VCL: variants seen among roughly 807,000 people sequenced by gnomAD.
VCL encodes epididymis luminal protein 114.
Under a neutral mutation model 125.7 loss-of-function variants are expected in VCL, and 47 were observed. The observed-to-expected ratio is 0.37, with a 90% CI of 0.30 to 0.48. The LOEUF is 0.48. Ranked by LOEUF, VCL falls within the 20% of genes least tolerant of loss-of-function variation. The pLI is 0.99. For synonymous variants in VCL, 458 were observed against 514.6 expected, an observed-to-expected ratio of 0.89 and a Z score of 1.49; for missense variants, 1,069 against 1,455.5, an observed-to-expected ratio of 0.73 and a Z score of 4.32.
intron 16 of VCL, 124 bp downstream of exon 16, chr10:74,105,477 G>A (rs1840117677): frequency 8.6e-7 from 1 of 1,161,656 alleles, no homozygotes; most frequent in Non-Finnish European, 1.3e-6. Context: ...TAGACACTTA[G>A]TTTGAGAATG....
At chr10:74,091,002 T>C (rs1228626841) in intron 10 of VCL, among the ~76,000 whole-genome samples, 1 of 152,060 alleles carries the variant, frequency 6.6e-6, no homozygotes, top group African/African-American at 2.4e-5. Flanking sequence ...GGTGTTGCTA[T>C]GTTGTCAGGG....
intron 1 of VCL, chr10:74,005,156 T>C (rs1840298429): frequency 6.6e-6 from 1 of 152,222 alleles, no homozygotes; most frequent in Admixed American, 6.5e-5. Context: ...TGTAGATTAC[T>C]TGGGGAATCA....
At chr10:74,115,412 A>ATAAATAAG (rs899377704) in intron 21 of VCL, among the ~76,000 whole-genome samples, 25 of 139,796 alleles carry the variant, frequency 1.8e-4, no homozygotes, top group Non-Finnish European at 2.7e-4. Context: ...AAATAAATAA[A>ATAAATAAG]TAAATAAGTA....
intron 1 of VCL, among the ~76,000 whole-genome samples, chr10:74,030,966 C>T (rs1029149382): frequency 2.0e-5 from 3 of 152,172 alleles, no homozygotes; most frequent in African/African-American, 7.2e-5. Flanking sequence ...CCAAATTCTA[C>T]ACAAAATCCA....
chr10:74,018,709 T>G (rs1257448788), intron 1 of VCL, among the ~76,000 whole-genome samples: 1 of 152,172 alleles, frequency 6.6e-6, no homozygotes, highest in African/African-American at 2.4e-5. Flanking sequence ...TAACTTCAGT[T>G]TTTGAATAGG....
At chr10:74,085,998 C>G (rs962091828) in intron 8 of VCL, among the ~76,000 whole-genome samples, 2 of 151,964 alleles carry the variant, frequency 1.3e-5, no homozygotes, top group Non-Finnish European at 2.9e-5. Context: ...CTCTTGAGTA[C>G]CTGGGATTAC....
intron 6 of VCL, chr10:74,077,636 C>T (rs1000952663): frequency 2.1e-5 from 9 of 438,268 alleles, no homozygotes; most frequent in East Asian, 7.2e-5. Context: ...CACCTCTTCT[C>T]GCCCCTACCA....
In VCL at chr10:74,017,525, A is replaced by AGCT. The variant is rs1840571981; in HGVS notation, c.168+19163_168+19165dup. Among the ~76,000 whole-genome samples the AGCT allele has an allele frequency of 9.4e-5, 14 of 149,484 alleles. No individual in the cohort carries two copies. In the South Asian group the frequency reaches 2.9e-3, roughly 31 times the overall value. On this transcript the variant is annotated intron_variant, in intron 1 of 21. Transcript: ENST00000211998. ...CTGAACTCTGTCTCTGAAGGGTGTAAGCTGCTGCTGCTGCTTTTTCTTTCT... is the reference window on the plus strand; with the variant it reads ...CTGAACTCTGTCTCTGAAGGGTGTAAGCTGCTGCTGCTGCTGCTTTTTCTTTCT...
At chr10:74,064,796 G>A (rs1042863271) in intron 2 of VCL, among the ~76,000 whole-genome samples, 2 of 151,992 alleles carry the variant, frequency 1.3e-5, no homozygotes, top group South Asian at 4.1e-4. Context: ...ATAACACATA[G>A]AAAATTTATA....
chr10:74,119,116 A>C lies in VCL; in HGVS notation c.*947A>C, dbSNP rs1204567821. ...TCTTAGCTCTTAATTGTTCATTTTG[A>C]GCTGAAATGCTGCATTTTAATTTTA... On this transcript the variant is annotated 3_prime_UTR_variant, in exon 22 of 22. Transcript: ENST00000211998. 6.6e-6 allele frequency: 1 copy of C among 152,216 alleles called. No individual in the cohort carries two copies. Among genetic ancestry groups the C allele is most frequent in the Non-Finnish European group, 1.5e-5 (1 of 67,982 alleles). 9.4% of individuals were successfully genotyped at this position (152,216 alleles called of 1,614,324 possible).
intron 2 of VCL, among the ~76,000 whole-genome samples, chr10:74,048,121 C>CTGTATTGT (rs1841224543): frequency 1.3e-5 from 2 of 152,206 alleles, no homozygotes; most frequent in African/African-American, 4.8e-5. Context: ...AGTGCAGCAG[C>CTGTATTGT]TATGCTGTAT....
chr10:74,009,242 GTATTTAA>G (rs1433147319), intron 1 of VCL, among the ~76,000 whole-genome samples: 3 of 65,482 alleles, frequency 4.6e-5, no homozygotes, highest in Admixed American at 4.4e-4. Context: ...AGCCATTTTA[GTATTTAA>G]TTCTGTTTTT....
rs554081979 is a variant in VCL, at chr10:74,107,091, C to A, written c.2435-139C>A. Reference sequence around the variant, plus strand: ...GGCATCTGCCTTGTCCTGCCTCCCCCCTTCTTCAATCACTGCCCGTGATAT... The same window carrying A: ...GGCATCTGCCTTGTCCTGCCTCCCCACTTCTTCAATCACTGCCCGTGATAT... On this transcript the variant is annotated intron_variant, in intron 16 of 21. Coordinates refer to ENST00000211998, the MANE Select transcript of VCL (RefSeq NM_014000.3). 2.9e-5 allele frequency: 41 copies of A among 1,391,608 alleles called. No individual in the cohort carries two copies. The African/African-American group carries it at 3.7e-4, about 13-fold the overall frequency. 86.2% of individuals were successfully genotyped at this position (1,391,608 alleles called of 1,614,324 possible).
In VCL at chr10:74,097,446, G is replaced by GGT; in HGVS notation, c.1872+116_1872+117dup. The GGT allele has an allele frequency of 6.7e-7, 1 of 1,503,050 alleles. No individual in the cohort carries two copies. The highest frequency in any genetic ancestry group is 9.1e-7 in the Non-Finnish European group (1 of 1,099,316). 93.1% of individuals were successfully genotyped at this position (1,503,050 alleles called of 1,614,324 possible). A position where few individuals can be genotyped will look rare whatever the true frequency, so the allele number is the denominator to read the frequency against. On this transcript the variant is annotated intron_variant, in intron 13 of 21. Transcript: ENST00000211998. This position sits in a 1 kb window ranked among gnomAD's most constrained non-coding sequence, Gnocchi z 4.1. ...AGTGGTTGGGAAACTGTAGATGAAG[G>GGT]GTGGAAGAGCAGAACAGGGAAAGCC...
chr10:74,116,909 G>A (rs1840318652), intron 21 of VCL, among the ~76,000 whole-genome samples: 1 of 152,094 alleles, frequency 6.6e-6, no homozygotes, highest in African/African-American at 2.4e-5. Context: ...TTTTATGCAG[G>A]TGTGCATTTT....
At chr10:74,116,746 T>C (rs1840316658) in intron 21 of VCL, among the ~76,000 whole-genome samples, 1 of 151,624 alleles carries the variant, frequency 6.6e-6, no homozygotes, top group South Asian at 2.1e-4. Context: ...ACAAAACCCA[T>C]AGGACTATAA....
chr10:74,117,044 T>C (rs747132500), intron 21 of VCL, among the ~76,000 whole-genome samples: 2 of 152,254 alleles, frequency 1.3e-5, no homozygotes, highest in Non-Finnish European at 2.9e-5. Flanking sequence ...AGAGTACCAA[T>C]GTGATTTCAG....
intron 2 of VCL, among the ~76,000 whole-genome samples, chr10:74,053,655 G>C (rs1392225450): frequency 6.6e-6 from 1 of 151,492 alleles, no homozygotes; most frequent in African/African-American, 2.4e-5. Flanking sequence ...TTGTCACCTG[G>C]GCTGTAGTGC....
intron 1 of VCL, among the ~76,000 whole-genome samples, chr10:74,033,584 T>G (rs1378183832): frequency 6.6e-6 from 1 of 152,236 alleles, no homozygotes; most frequent in East Asian, 1.9e-4. Context: ...ATATTTTCTT[T>G]CCAGCTTTTT....
Sources: allele counts gnomAD v4.1 joint callset (sites outside exome capture counted in the v4.1 genomes callset), GRCh38; gene constraint gnomAD v4.1.1; non-coding constraint Gnocchi (gnomAD v3.1); transcripts MANE v1.5; gene names NCBI Gene and HGNC (gene_info 2026-07-23, HGNC 2026-07-21).